ZNF236: variants seen among roughly 807,000 people sequenced by gnomAD.
ZNF236 encodes zinc finger protein 236.
A neutral mutation model predicts 191.2 loss-of-function variants in ZNF236; 50 were observed. That is an observed-to-expected ratio of 0.26 (90% CI 0.21 to 0.33). The LOEUF (loss-of-function observed/expected upper bound fraction) is 0.33, where lower values mean the gene tolerates loss of function less well. ZNF236 is among the 10% of genes least tolerant of loss of function. The pLI is 1.00. For missense variants in ZNF236, 1,754 were observed against 2,374.5 expected, an observed-to-expected ratio of 0.74 and a Z score of 5.43; for synonymous variants, 907 against 928.8, an observed-to-expected ratio of 0.98 and a Z score of 0.43.
chr18:76,933,641 G>A (rs778469555), intron 25 of ZNF236, among the ~76,000 whole-genome samples: 9 of 151,960 alleles, frequency 5.9e-5, no homozygotes, highest in African/African-American at 2.2e-4. Flanking sequence ...GAATATTTGT[G>A]TATTAATGTG....
chr18:76,842,931 C>T (rs1226915182), intron 1 of ZNF236, among the ~76,000 whole-genome samples: 1 of 152,132 alleles, frequency 6.6e-6, no homozygotes, highest in African/African-American at 2.4e-5. Flanking sequence ...TCTGGCTCTC[C>T]CAACTTCTCA....
In ZNF236 at chr18:76,878,120, A is replaced by G. The variant is rs1173366764; in HGVS notation, c.952A>G (p.Thr318Ala). Residue 318 changes from threonine to alanine, a missense_variant, in exon 7 of 31, where the codon ACA becomes GCA. By Grantham distance (58) the Thr-to-Ala change is moderately conservative (BLOSUM62 0). Transcript: ENST00000320610. ...GCATATGGGTGGGCCACAGAATTCA[A>G]CAAGTTCTACAGAGACTGCTCATGT... The part of the protein sequence containing the change: ...KMHMGGPQNS[T>A]SSTETAHVLT... 3 of 1,613,292 alleles carry G rather than the reference A, an allele frequency of 1.9e-6. No homozygotes were observed. Among genetic ancestry groups the G allele is most frequent in the Non-Finnish European group, 1.7e-6 (2 of 1,179,520 alleles).
At chr18:76,885,121 A>G (rs1599363414) in intron 9 of ZNF236, 1 of 152,436 alleles carries the variant, frequency 6.6e-6, no homozygotes, top group Admixed American at 6.5e-5. Context: ...AAGAATTCTC[A>G]TAAAACTTTA....
intron 26 of ZNF236, among the ~76,000 whole-genome samples, chr18:76,942,108 T>C (rs1164035197): frequency 6.6e-6 from 1 of 152,238 alleles, no homozygotes; most frequent in Non-Finnish European, 1.5e-5. Context: ...TGTCTAATGA[T>C]GATTGTTCAG....
intron 6 of ZNF236, 110 bp from the exon 7 acceptor site, chr18:76,877,899 T>C (rs1976760467): frequency 2.3e-6 from 2 of 872,844 alleles, no homozygotes; most frequent in Non-Finnish European, 3.3e-6. Context: ...AAGGGTTAGA[T>C]TATTTCTGTC....
At chr18:76,910,862 G>GTTA in intron 16 of ZNF236, 51 bp downstream of exon 16, 1 of 1,585,386 alleles carries the variant, frequency 6.3e-7, no homozygotes, top group Non-Finnish European at 8.6e-7. Context: ...CAGGTGCTAT[G>GTTA]TTATTCTTCA....
intron 19 of ZNF236, among the ~76,000 whole-genome samples, chr18:76,918,241 A>G (rs1227353748): frequency 1.3e-5 from 2 of 152,140 alleles, no homozygotes; most frequent in South Asian, 2.1e-4. Context: ...ACTTATGCAT[A>G]TAGTTCTCTC....
rs530963859 is a variant in ZNF236 at position 76,838,083 on chromosome 18, AG to A, written c.56-11441del. On this transcript the variant is annotated intron_variant, in intron 1 of 30. Transcript: ENST00000320610. Reference sequence around the variant, plus strand: ...CCTTTGCATTGTTGGGCAGCAAACTAGGCTCAAATACTCATCATCACATTTA... The same window carrying A: ...CCTTTGCATTGTTGGGCAGCAAACTAGCTCAAATACTCATCATCACATTTA... Among the ~76,000 whole-genome samples, 19 of 152,364 alleles carry A rather than the reference AG, an allele frequency of 1.2e-4. No homozygotes were observed. In the South Asian group the frequency reaches 2.7e-3, roughly 22 times the overall value.
rs1968890137 is a variant in ZNF236 at position 76,970,454 on chromosome 18, A to T, written c.*2115A>T. On this transcript the variant is annotated 3_prime_UTR_variant, in exon 31 of 31. Coordinates refer to ENST00000320610, the MANE Select transcript of ZNF236 (RefSeq NM_001306089.2). ...TTAGCAAACACAAGACATTTTATGTATTATTTCGATTTACTTCCTAATTAT... is the reference window on the plus strand; with the variant it reads ...TTAGCAAACACAAGACATTTTATGTTTTATTTCGATTTACTTCCTAATTAT... The T allele has an allele frequency of 6.6e-6, 1 of 152,654 alleles. No individual in the cohort carries two copies. The highest frequency in any genetic ancestry group is 1.5e-5 in the Non-Finnish European group (1 of 68,028). 9.5% of individuals were successfully genotyped at this position (152,654 alleles called of 1,614,324 possible).
intron 1 of ZNF236, among the ~76,000 whole-genome samples, chr18:76,844,698 A>G (rs1373652140): frequency 1.3e-5 from 2 of 152,250 alleles, no homozygotes; most frequent in African/African-American, 4.8e-5. Context: ...AGTTAAATCC[A>G]TGGAATGCTA....
chr18:76,865,997 C>G (rs1467003600), intron 3 of ZNF236, among the ~76,000 whole-genome samples: 1 of 152,206 alleles, frequency 6.6e-6, no homozygotes, highest in East Asian at 1.9e-4. Context: ...GGTCACTACT[C>G]TGTCCAAATA....
intron 25 of ZNF236, 58 bp from the exon 26 acceptor site, chr18:76,937,098 C>T: frequency 6.4e-7 from 1 of 1,553,272 alleles, no homozygotes; most frequent in East Asian, 2.3e-5. Context: ...TCCCTATGCC[C>T]TTACACCTGG....
At position 76,909,001 on chromosome 18, in the gene ZNF236, G is replaced by A. The variant is rs1052619197; in HGVS notation, c.2551+428G>A. 2.6e-4 allele frequency among the ~76,000 whole-genome samples: 22 copies of A among 85,440 alleles called. No homozygotes were observed. The South Asian group carries it at 7.9e-3, about 31-fold the overall frequency. 56.1% of individuals were successfully genotyped at this position (85,440 alleles called of 152,430 possible). A position where few individuals can be genotyped will look rare whatever the true frequency, so the allele number is the denominator to read the frequency against. On this transcript the variant is annotated intron_variant, in intron 14 of 30. Transcript: ENST00000320610. ...TGTGTGTGTGTGTGTGTGTGTGTGT[G>A]TGTGTTTGGTATGCGTATATAATTA...
intron 30 of ZNF236, among the ~76,000 whole-genome samples, chr18:76,966,697 T>G (rs1023821068): frequency 6.6e-6 from 1 of 152,162 alleles, no homozygotes; most frequent in Non-Finnish European, 1.5e-5. Context: ...CACGTGGGCC[T>G]TGGTTTCTCT....
intron 1 of ZNF236, among the ~76,000 whole-genome samples, chr18:76,825,801 G>C (rs1439247846): frequency 6.6e-6 from 1 of 152,026 alleles, no homozygotes; most frequent in Non-Finnish European, 1.5e-5. Context: ...AATAGAGATG[G>C]GGTTTCACAA....
intron 30 of ZNF236, among the ~76,000 whole-genome samples, chr18:76,963,174 T>C (rs535838118): frequency 6.6e-6 from 1 of 152,294 alleles, no homozygotes; most frequent in East Asian, 1.9e-4. Flanking sequence ...GGGAAAGCTT[T>C]TAACTTTTCA....
intron 25 of ZNF236, among the ~76,000 whole-genome samples, chr18:76,934,846 A>G (rs1353295075): frequency 6.6e-6 from 1 of 152,216 alleles, no homozygotes; most frequent in Non-Finnish European, 1.5e-5. Flanking sequence ...CTTTTAAATT[A>G]TTTTTAGAAC....
chr18:76,824,165 GA>G, intron 1 of ZNF236: 1 of 611,582 alleles, frequency 1.6e-6, no homozygotes, highest in Non-Finnish European at 3.0e-6. Context: ...GTCGGGCCTG[GA>G]AACTACAAAG....
Position 76,926,309 on chromosome 18 carries a change from GTA to G in ZNF236, c.4028-726_4028-725del, listed in dbSNP as rs1009731021. On this transcript the variant is annotated intron_variant, in intron 22 of 30. Transcript: ENST00000320610. ...TAGGTTTCTGAGGTGATGAGACAGT[GTA>G]TGTGTATATGGTATAAATGAGATTT... Among the ~76,000 whole-genome samples, 50 of 152,142 alleles carry G rather than the reference GTA, an allele frequency of 3.3e-4. 1 individual carries two copies. The highest frequency in any genetic ancestry group is 2.9e-3 in the Admixed American group (45 of 15,270).
Sources: gnomAD v4.1 joint callset for allele counts (sites outside exome capture counted in the v4.1 genomes callset) on GRCh38, gnomAD v4.1.1 for gene constraint, MANE v1.5 for transcripts, NCBI Gene and HGNC (gene_info 2026-07-23, HGNC 2026-07-21) for gene names.